Variants in RERG observed in about 807,000 individuals in gnomAD.
The protein encoded by RERG is RAS like estrogen regulated growth inhibitor.
A neutral mutation model predicts 23.2 loss-of-function variants in RERG; 25 were observed. The observed-to-expected ratio is 1.08, with a 90% CI of 0.79 to 1.50. RERG has a LOEUF of 1.50. Ranked by LOEUF, RERG falls within the 40% of genes most tolerant of loss-of-function variation. The pLI is 0.00. For synonymous variants in RERG, 81 were observed against 89.1 expected (o/e 0.91, Z 0.51); for missense variants, 253 against 250.1 (o/e 1.01, Z -0.08).
At chr12:15,190,519 T>C (rs527599854) in intron 2 of RERG, among the ~76,000 whole-genome samples, 6 of 151,932 alleles carry the variant, frequency 3.9e-5, no homozygotes, top group South Asian at 2.1e-4. Flanking sequence ...TAGTTCTAGG[T>C]TGACCCAAAG....
At chr12:15,115,944 T>A (rs1296620119) in intron 3 of RERG, among the ~76,000 whole-genome samples, 1 of 152,216 alleles carries the variant, frequency 6.6e-6, no homozygotes, top group African/African-American at 2.4e-5. Context: ...ATTTAAAAAT[T>A]AGATTATGTT....
intron 2 of RERG, among the ~76,000 whole-genome samples, chr12:15,126,615 T>C (rs1024372139): frequency 2.0e-5 from 3 of 152,106 alleles, no homozygotes; most frequent in Admixed American, 6.5e-5. Flanking sequence ...CTTGTCAGTA[T>C]TTTAAGCTGG....
chr12:15,212,250 G>A (rs1212471146), intron 2 of RERG, among the ~76,000 whole-genome samples: 3 of 149,424 alleles, frequency 2.0e-5, no homozygotes, highest in Non-Finnish European at 4.5e-5. Flanking sequence ...TAGTAGAGAC[G>A]GGGTTTCACC....
intron 3 of RERG, among the ~76,000 whole-genome samples, chr12:15,118,552 C>T (rs556759379): frequency 6.6e-6 from 1 of 152,276 alleles, no homozygotes; most frequent in African/African-American, 2.4e-5. Flanking sequence ...ACCCAAATCT[C>T]ATGTTCATTT....
intron 2 of RERG, among the ~76,000 whole-genome samples, chr12:15,143,319 CGTGTGTATGTAAATATAT>C (rs1864269530): frequency 6.6e-6 from 1 of 150,852 alleles, no homozygotes; most frequent in Non-Finnish European, 1.5e-5. Flanking sequence ...TACACACACA[CGTGTGTATGTAAATATAT>C]ACATACACAC....
chr12:15,108,004 A>C lies in RERG; in HGVS notation c.*1106T>G, dbSNP rs1336913974. Reference sequence around the variant, plus strand: ...TATATAGGGGCATAATGGGGGAGAAAAGAATCATAAGGTTTTATCAGTTGT... The same window carrying C: ...TATATAGGGGCATAATGGGGGAGAACAGAATCATAAGGTTTTATCAGTTGT... On this transcript the variant is annotated 3_prime_UTR_variant, in exon 5 of 5. Transcript: ENST00000256953. The C allele has an allele frequency of 4.6e-5, 7 of 152,610 alleles. No individual in the cohort carries two copies. The East Asian group carries it at 9.6e-4, about 21-fold the overall frequency. 9.5% of individuals were successfully genotyped at this position (152,610 alleles called of 1,614,324 possible).
chr12:15,138,773 C>G (rs1864184873), intron 2 of RERG, among the ~76,000 whole-genome samples: 1 of 151,836 alleles, frequency 6.6e-6, no homozygotes, highest in Admixed American at 6.6e-5. Flanking sequence ...TCTTTTCATT[C>G]TATTCACAGT....
intron 2 of RERG, among the ~76,000 whole-genome samples, chr12:15,173,713 G>T (rs1864807331): frequency 6.6e-6 from 1 of 150,704 alleles, no homozygotes; most frequent in Admixed American, 6.6e-5. Flanking sequence ...TTATACTTAA[G>T]TATTTTATTC....
intron 2 of RERG, among the ~76,000 whole-genome samples, chr12:15,183,433 T>C (rs988302230): frequency 5.9e-5 from 9 of 152,120 alleles, no homozygotes; most frequent in Admixed American, 5.9e-4. Flanking sequence ...TTTGTAATCT[T>C]CCTGAAATAT....
At chr12:15,135,186 A>G (rs1037165767) in intron 2 of RERG, among the ~76,000 whole-genome samples, 1 of 152,216 alleles carries the variant, frequency 6.6e-6, no homozygotes. Context: ...TTGTGCTAAC[A>G]TAAATGGTAG....
chr12:15,158,746 C>T (rs1864560028), intron 2 of RERG, among the ~76,000 whole-genome samples: 2 of 152,170 alleles, frequency 1.3e-5, no homozygotes, highest in Admixed American at 1.3e-4. Flanking sequence ...AGAAATGCTA[C>T]AGAACGATGT....
chr12:15,190,247 C>A (rs1056187813), intron 2 of RERG, among the ~76,000 whole-genome samples: 3 of 151,962 alleles, frequency 2.0e-5, no homozygotes, highest in East Asian at 3.9e-4. Context: ...CCCTGCACCA[C>A]ATTGGAAGAA....
At chr12:15,210,330 T>G (rs568489917) in intron 2 of RERG, among the ~76,000 whole-genome samples, 13 of 152,232 alleles carry the variant, frequency 8.5e-5, no homozygotes, top group Non-Finnish European at 1.8e-4. Flanking sequence ...ATGAATAAAT[T>G]AGCCATTAGT....
At chr12:15,110,308 T>A (rs1011756129) in intron 4 of RERG, among the ~76,000 whole-genome samples, 2 of 151,906 alleles carry the variant, frequency 1.3e-5, no homozygotes, top group Admixed American at 6.6e-5. Context: ...AATAAGTAGG[T>A]GGTGATGAGA....
intron 2 of RERG, among the ~76,000 whole-genome samples, chr12:15,191,564 C>CAA (rs1225971909): frequency 1.3e-5 from 2 of 152,156 alleles, no homozygotes; most frequent in African/African-American, 4.8e-5. Context: ...AATGTGCACT[C>CAA]TACTTAACTT....
Position 15,212,122 on chromosome 12 carries a change from G to C in RERG, c.61+5307C>G, listed in dbSNP as rs868276657. Reference sequence around the variant, plus strand: ...GGCCGGACTGCGGACTGCAGTGGCGGAATCTCGGCTCACTGCAAGCTCCGC... The same window carrying C: ...GGCCGGACTGCGGACTGCAGTGGCGCAATCTCGGCTCACTGCAAGCTCCGC... On this transcript the variant is annotated intron_variant, in intron 2 of 4. Coordinates refer to ENST00000256953, the MANE Select transcript of RERG (RefSeq NM_032918.3). Among the ~76,000 whole-genome samples the C allele has an allele frequency of 3.4e-3, 493 of 143,558 alleles. 1 individual carries two copies. Among genetic ancestry groups the C allele is most frequent in the African/African-American group, 0.012 (449 of 38,812 alleles). 94.2% of individuals were successfully genotyped at this position (143,558 alleles called of 152,430 possible). A position where few individuals can be genotyped will look rare whatever the true frequency, so the allele number is the denominator to read the frequency against.
chr12:15,149,025 C>T (rs527416729), intron 2 of RERG, among the ~76,000 whole-genome samples: 11 of 151,652 alleles, frequency 7.3e-5, no homozygotes, highest in South Asian at 2.1e-4. Flanking sequence ...CCCGCCACCA[C>T]GCCCGGCTAA....
At chr12:15,195,038 GT>G (rs2136137011) in intron 2 of RERG, among the ~76,000 whole-genome samples, 1 of 152,196 alleles carries the variant, frequency 6.6e-6, no homozygotes, top group South Asian at 2.1e-4. Context: ...TTGTGGAAAG[GT>G]TTAATCTACT....
chr12:15,126,905 A>C (rs927142961), intron 2 of RERG, among the ~76,000 whole-genome samples: 2 of 151,704 alleles, frequency 1.3e-5, no homozygotes, highest in African/African-American at 4.8e-5. Context: ...TTTTTAGTAG[A>C]GACAGAGTTT....
Sources: allele counts gnomAD v4.1 joint callset (sites outside exome capture counted in the v4.1 genomes callset), GRCh38; gene constraint gnomAD v4.1.1; transcripts MANE v1.5; gene names NCBI Gene and HGNC (gene_info 2026-07-23, HGNC 2026-07-21).